The following TBCD variants were observed in gnomAD, a reference collection of about 807,000 sequenced individuals.
TBCD encodes tubulin folding cofactor D, also known as tubulin-specific chaperone D.
TBCD carries 105 observed loss-of-function variants against 169.3 expected under a neutral mutation model. The observed-to-expected ratio is 0.62, with a 90% CI of 0.53 to 0.73. The LOEUF is 0.73. TBCD is among the 30% of genes least tolerant of loss of function. TBCD has a pLI of 0.00. For missense variants in TBCD, 1,444 were observed against 1,600.1 expected (o/e 0.90, Z 1.66); for synonymous variants, 700 against 643.9 (o/e 1.09, Z -1.32).
At chr17:82,932,977 G>A (rs912797319) in intron 34 of TBCD, 11 of 522,360 alleles carry the variant, frequency 2.1e-5, no homozygotes, top group Non-Finnish European at 3.4e-5. Flanking sequence ...TGGGGCTGAG[G>A]CGGGGGCCCT....
chr17:82,807,811 G>A lies in TBCD; in HGVS notation c.1148+143G>A, dbSNP rs557395478. On this transcript the variant is annotated intron_variant, in intron 11 of 38. Coordinates refer to ENST00000355528, the MANE Select transcript of TBCD (RefSeq NM_005993.5). ...CTCCAACTTATGTGTGTTGCTTTAC[G>A]TGTTGGCGTGAAGATGGTTCCCGAG... The A allele has an allele frequency of 3.7e-4, 207 of 552,634 alleles. 1 individual carries two copies. Among genetic ancestry groups the A allele is most frequent in the African/African-American group, 3.6e-3 (186 of 51,362 alleles). The allele number at this position is 552,634 out of a possible 1,614,324, so 34.2% of individuals were successfully genotyped here. A position where few individuals can be genotyped will look rare whatever the true frequency, so the allele number is the denominator to read the frequency against.
rs1031535784 is a variant in TBCD, at chr17:82,789,064, C to T, written c.771+7343C>T. Among the ~76,000 whole-genome samples, 1 of 152,216 alleles carries T rather than the reference C, an allele frequency of 6.6e-6. No homozygotes were observed. The highest frequency in any genetic ancestry group is 2.4e-5 in the African/African-American group (1 of 41,458). On this transcript the variant is annotated intron_variant, in intron 7 of 38. Transcript: ENST00000355528. This position sits in a 1 kb window ranked among gnomAD's most constrained non-coding sequence, Gnocchi z 4.8. ...CACGTGGTCCTTTTTAGTTGTAGTG[C>T]TCTCTTGGGGCAAGGTTTTGGATGG...
chr17:82,873,867 A>G (rs7221138), intron 14 of TBCD, among the ~76,000 whole-genome samples: 151,347 of 152,302 alleles, frequency 0.99, 75,206 homozygotes, highest in East Asian at 1. Flanking sequence ...CTGTTCGCAC[A>G]TTCTCAGGCA....
At chr17:82,928,560 C>T (rs941144867) in intron 30 of TBCD, among the ~76,000 whole-genome samples, 2 of 151,170 alleles carry the variant, frequency 1.3e-5, no homozygotes. Flanking sequence ...GTCAGGGGGT[C>T]CAGGCCCTGC....
chr17:82,761,928 C>T (rs1264764229), intron 2 of TBCD, among the ~76,000 whole-genome samples: 1 of 150,682 alleles, frequency 6.6e-6, no homozygotes, highest in Non-Finnish European at 1.5e-5. Flanking sequence ...GGGGTTTCAC[C>T]TTGTTAACCA....
In TBCD at chr17:82,850,070, TG is replaced by T. The variant is rs2055581492; in HGVS notation, c.1319-20152del. 4.7e-4 allele frequency among the ~76,000 whole-genome samples: 24 copies of T among 51,024 alleles called. 1 individual carries two copies. The highest frequency in any genetic ancestry group is 1.3e-3 in the African/African-American group (15 of 11,614). 33.5% of individuals were successfully genotyped at this position (51,024 alleles called of 152,430 possible). A position where few individuals can be genotyped will look rare whatever the true frequency, so the allele number is the denominator to read the frequency against. On this transcript the variant is annotated intron_variant, in intron 13 of 38. Coordinates refer to ENST00000355528, the MANE Select transcript of TBCD (RefSeq NM_005993.5). ...GTGCTGTTGTTGGCTGTGCTGCTGTTGGCTGTGCTGTGCTGCTGTTGGCTGT... is the reference window on the plus strand; with the variant it reads ...GTGCTGTTGTTGGCTGTGCTGCTGTTGCTGTGCTGTGCTGCTGTTGGCTGT...
At chr17:82,843,400 G>T (rs779913442) in intron 13 of TBCD, among the ~76,000 whole-genome samples, 2 of 86,560 alleles carry the variant, frequency 2.3e-5, no homozygotes, top group Non-Finnish European at 4.3e-5. Context: ...TCCCCTCCCC[G>T]TCCAGCTTAT....
chr17:82,793,996 C>T (rs2049930663), intron 7 of TBCD, among the ~76,000 whole-genome samples: 1 of 152,204 alleles, frequency 6.6e-6, no homozygotes, highest in Non-Finnish European at 1.5e-5. Context: ...CTGGAGCTAG[C>T]GTGGTCTCAG....
In TBCD at chr17:82,916,329, C is replaced by G. The variant is rs966092763; in HGVS notation, c.2039-4227C>G. On this transcript the variant is annotated intron_variant, in intron 23 of 38. Coordinates refer to ENST00000355528, the MANE Select transcript of TBCD (RefSeq NM_005993.5). ...GCGCGATCTCGGCTCACTGCAGCCT[C>G]CATCTCCCAGGTTCAAGTGTTTCTC... Among the ~76,000 whole-genome samples the G allele has an allele frequency of 2.6e-5, 4 of 152,140 alleles. No individual in the cohort carries two copies. In the South Asian group the frequency reaches 6.2e-4, roughly 24 times the overall value.
intron 17 of TBCD, among the ~76,000 whole-genome samples, chr17:82,897,182 T>G (rs2059546633): frequency 6.6e-6 from 1 of 152,160 alleles, no homozygotes. Context: ...TGGCTTTCCC[T>G]TTCAGTATCC....
rs149971039 is a variant in TBCD, at chr17:82,806,085, C to T, written c.1087+74C>T. ...AATTCCCCTCTACTCCAGGACCACA[C>T]TTCCTTCTTCCTTGCTGGTGCCGGC... On this transcript the variant is annotated intron_variant, in intron 10 of 38. Coordinates refer to ENST00000355528, the MANE Select transcript of TBCD (RefSeq NM_005993.5). This position sits in a 1 kb window ranked among gnomAD's most constrained non-coding sequence, Gnocchi z 5.1. 1.2e-5 allele frequency: 19 copies of T among 1,558,560 alleles called. No homozygotes were observed. The African/African-American group carries it at 2.3e-4, about 19-fold the overall frequency.
intron 13 of TBCD, among the ~76,000 whole-genome samples, chr17:82,858,907 G>A (rs1011983419): frequency 9.9e-5 from 15 of 152,218 alleles, no homozygotes; most frequent in Non-Finnish European, 1.3e-4. Context: ...TGTCAGTGGC[G>A]CTTCCTGCGG....
At chr17:82,830,499 G>A (rs866327461) in intron 13 of TBCD, 12 of 1,613,266 alleles carry the variant, frequency 7.4e-6, no homozygotes, top group East Asian at 4.5e-5. Flanking sequence ...CCCCGTCACC[G>A]TCGAGGCTGC....
chr17:82,800,752 G>A lies in TBCD; in HGVS notation c.818-112G>A, dbSNP rs568065091. ...TTGGGATGATGGGGGTCTTGGTGATGTCTCCTGCCTCAAGGCCCCTGTGGA... is the reference window on the plus strand; with the variant it reads ...TTGGGATGATGGGGGTCTTGGTGATATCTCCTGCCTCAAGGCCCCTGTGGA... On this transcript the variant is annotated intron_variant, in intron 8 of 38. Transcript: ENST00000355528. 1.1e-5 allele frequency: 15 copies of A among 1,328,634 alleles called. No homozygotes were observed. The South Asian group carries it at 2.1e-4, about 18-fold the overall frequency. The allele number at this position is 1,328,634 out of a possible 1,614,324, so 82.3% of individuals were successfully genotyped here.
intron 17 of TBCD, among the ~76,000 whole-genome samples, chr17:82,893,902 T>C (rs1035869686): frequency 6.6e-6 from 1 of 152,240 alleles, no homozygotes; most frequent in Non-Finnish European, 1.5e-5. Context: ...GGCCTTGCCG[T>C]GAGTGCTGTC....
chr17:82,927,287 A>T lies in TBCD; in HGVS notation c.2573A>T (p.Asp858Val). The T allele has an allele frequency of 6.2e-7, 1 of 1,613,958 alleles. No individual in the cohort carries two copies. The highest frequency in any genetic ancestry group is 1.7e-5 in the Admixed American group (1 of 60,018). The change falls in exon 29 of 39, where the codon GAC (aspartate) becomes GTC (valine). Residue 858 changes from aspartate (D) to valine (V), a missense_variant. Asp to Val is a radical substitution (Grantham distance 152). Transcript: ENST00000355528. ...IYCALLGCMD[D>V]YTTDSRGDVG... ...TGTGCGCTGCTGGGCTGCATGGACG[A>T]CTACACCACGGACAGCAGAGGGGAC...
At chr17:82,846,312 C>CCCCCTCCACGCGCTGT (rs1455659857) in intron 13 of TBCD, among the ~76,000 whole-genome samples, 1 of 113,734 alleles carries the variant, frequency 8.8e-6, no homozygotes. Context: ...CCACGTGCTG[C>CCCCCTCCACGCGCTGT]GTCCAGCGTG....
chr17:82,899,233 GCATGTCCTCAGCGCA>G (rs1391520358), intron 17 of TBCD, among the ~76,000 whole-genome samples: 8 of 148,782 alleles, frequency 5.4e-5, no homozygotes, highest in East Asian at 2.0e-4. Context: ...TGTCCTCAGC[GCATGTCCTCAGCGCA>G]CGTGTCCTCA....
At chr17:82,756,471 G>T (rs942733457) in intron 2 of TBCD, among the ~76,000 whole-genome samples, 1 of 151,542 alleles carries the variant, frequency 6.6e-6, no homozygotes, top group Admixed American at 6.6e-5. Flanking sequence ...CTCCTCATGT[G>T]TTTTTTTTGT....
Sources: allele counts gnomAD v4.1 joint callset (sites outside exome capture counted in the v4.1 genomes callset), GRCh38; gene constraint gnomAD v4.1.1; non-coding constraint Gnocchi (gnomAD v3.1); transcripts MANE v1.5; gene names NCBI Gene and HGNC (gene_info 2026-07-23, HGNC 2026-07-21).